Variants in ENTREP2 observed in about 807,000 individuals in gnomAD.
ENTREP2 encodes the protein endosomal transmembrane epsin interactor 2.
At chr15:29,237,254 C>G in the ENTREP2 span, among the ~76,000 whole-genome samples, 1 of 152,170 alleles carries the variant, frequency 6.6e-6, no homozygotes, top group Non-Finnish European at 1.5e-5. Context: ...AGTCCTTTGG[C>G]ATACATGTGG....
the ENTREP2 span, among the ~76,000 whole-genome samples, chr15:29,181,492 G>A: frequency 6.6e-6 from 1 of 152,046 alleles, no homozygotes; most frequent in Non-Finnish European, 1.5e-5. Flanking sequence ...TATAATTTAT[G>A]AATAATGATG....
chr15:29,411,024 T>C, the ENTREP2 span, among the ~76,000 whole-genome samples: 2 of 152,182 alleles, frequency 1.3e-5, 1 homozygote, highest in Admixed American at 1.3e-4. Flanking sequence ...GACCTGGTGA[T>C]CCGCCGCCTC....
At chr15:29,485,573 G>A in the ENTREP2 span, among the ~76,000 whole-genome samples, 1 of 152,210 alleles carries the variant, frequency 6.6e-6, no homozygotes, top group Non-Finnish European at 1.5e-5. Context: ...GAGGCACACG[G>A]TAGAGTGCCA....
At chr15:29,454,853 G>A in the ENTREP2 span, among the ~76,000 whole-genome samples, 1 of 152,186 alleles carries the variant, frequency 6.6e-6, no homozygotes, top group Non-Finnish European at 1.5e-5. Flanking sequence ...ATACACATTC[G>A]TTGCTGTAAA....
the ENTREP2 span, among the ~76,000 whole-genome samples, chr15:29,412,638 G>T: frequency 1.3e-5 from 2 of 151,754 alleles, no homozygotes; most frequent in Admixed American, 6.6e-5. Context: ...TCAACTTTTT[G>T]ATCTCTTCTG....
At chr15:29,331,497 C>T in the ENTREP2 span, among the ~76,000 whole-genome samples, 1 of 152,130 alleles carries the variant, frequency 6.6e-6, no homozygotes, top group African/African-American at 2.4e-5. Context: ...TCTTTCATAC[C>T]TCCAGAAATT....
chr15:29,157,333 C>T, the ENTREP2 span, among the ~76,000 whole-genome samples: 2 of 152,154 alleles, frequency 1.3e-5, no homozygotes, highest in Admixed American at 1.3e-4. Flanking sequence ...TCCTCATTCC[C>T]CTCTCCAGAT....
At chr15:29,644,872 T>TA in the ENTREP2 span, among the ~76,000 whole-genome samples, 7 of 103,376 alleles carry the variant, frequency 6.8e-5, no homozygotes, top group South Asian at 6.1e-4. Context: ...AGAAGAAAAA[T>TA]AAAAAAAAGA....
At chr15:29,299,869 A>G in the ENTREP2 span, among the ~76,000 whole-genome samples, 1 of 148,280 alleles carries the variant, frequency 6.7e-6, no homozygotes, top group African/African-American at 2.5e-5. Flanking sequence ...TAGATGGATG[A>G]GTAGGTGGGG....
the ENTREP2 span, among the ~76,000 whole-genome samples, chr15:29,159,394 A>C: frequency 1.3e-5 from 2 of 152,174 alleles, no homozygotes; most frequent in Non-Finnish European, 2.9e-5. Flanking sequence ...AGCAAGATTT[A>C]TTGCAAACAG....
At chr15:29,497,280 C>T in the ENTREP2 span, among the ~76,000 whole-genome samples, 1 of 152,168 alleles carries the variant, frequency 6.6e-6, no homozygotes, top group South Asian at 2.1e-4. Flanking sequence ...GTTACAGCAA[C>T]ACAAAATAGA....
chr15:29,593,680 T>A, the ENTREP2 span, among the ~76,000 whole-genome samples: 4 of 152,220 alleles, frequency 2.6e-5, no homozygotes, highest in African/African-American at 4.8e-5. Context: ...ACTTTATGCA[T>A]CAAAAACAGA....
the ENTREP2 span, among the ~76,000 whole-genome samples, chr15:29,583,698 T>C: frequency 6.6e-6 from 1 of 152,188 alleles, no homozygotes; most frequent in Non-Finnish European, 1.5e-5. Flanking sequence ...CTATCATCAA[T>C]GTGCAAAAAT....
the ENTREP2 span, among the ~76,000 whole-genome samples, chr15:29,396,613 G>C: frequency 6.6e-6 from 1 of 152,128 alleles, no homozygotes; most frequent in Non-Finnish European, 1.5e-5. Context: ...TTTTAATTTT[G>C]ATGAAGTCCA....
the ENTREP2 span, among the ~76,000 whole-genome samples, chr15:29,585,562 C>T: frequency 6.6e-6 from 1 of 152,070 alleles, no homozygotes; most frequent in Non-Finnish European, 1.5e-5. Flanking sequence ...GAACATAAAA[C>T]GGCACAACCA....
the ENTREP2 span, among the ~76,000 whole-genome samples, chr15:29,310,720 G>GA: frequency 0.24 from 36,945 of 152,048 alleles, 9,273 homozygotes; most frequent in African/African-American, 0.65. Context: ...AAGGTCAGCA[G>GA]AAACAGAGCT....
chr15:29,436,281 G>A, the ENTREP2 span, among the ~76,000 whole-genome samples: 2 of 152,124 alleles, frequency 1.3e-5, no homozygotes, highest in Non-Finnish European at 2.9e-5. Context: ...ACTCCATTAG[G>A]TCTCGTCTAC....
the ENTREP2 span, among the ~76,000 whole-genome samples, chr15:29,349,224 T>C: frequency 6.6e-6 from 1 of 152,104 alleles, no homozygotes; most frequent in African/African-American, 2.4e-5. Flanking sequence ...AGCAAAATCC[T>C]AACGTACTTA....
chr15:29,481,771 C>T, the ENTREP2 span, among the ~76,000 whole-genome samples: 1 of 152,148 alleles, frequency 6.6e-6, no homozygotes, highest in African/African-American at 2.4e-5. Flanking sequence ...CTTGTTAGGA[C>T]TGCAATGGTT....
Sources: allele counts gnomAD v4.1 joint callset (sites outside exome capture counted in the v4.1 genomes callset), GRCh38; gene constraint gnomAD v4.1.1; transcripts MANE v1.5; gene names NCBI Gene and HGNC (gene_info 2026-07-23, HGNC 2026-07-21).